RPUSD1: variants seen among roughly 807,000 people sequenced by gnomAD.
RPUSD1 encodes pseudouridylate synthase RPUSD1.
In RPUSD1, 28 loss-of-function variants were observed where a neutral mutation model predicts 22.4. The ratio of observed to expected loss-of-function variants is 1.25; its 90% CI spans 0.93 to 1.72. The LOEUF (loss-of-function observed/expected upper bound fraction) is 1.72. RPUSD1 is among the 40% of genes most tolerant of loss of function. The pLI, the probability that RPUSD1 is intolerant of heterozygous loss-of-function variation, is 0.00. For missense variants in RPUSD1, 596 were observed against 442.2 expected (o/e 1.35, Z -3.12); for synonymous variants, 298 against 201.0 (o/e 1.48, Z -4.08).
At chr16:787,312 C>G (rs372643755) in intron 3 of RPUSD1, 42 bp downstream of exon 3, 2 of 1,555,926 alleles carry the variant, frequency 1.3e-6, no homozygotes, top group Admixed American at 3.7e-5. Flanking sequence ...GGGTGGGAAT[C>G]CTGAGTCCCC....
Position 786,281 on chromosome 16 carries a change from G to A in RPUSD1, c.608C>T (p.Pro203Leu), listed in dbSNP as rs1305682267. 1.7e-5 allele frequency: 28 copies of A among 1,612,620 alleles called. No homozygotes were observed. The highest frequency in any genetic ancestry group is 1.6e-4 in the Middle Eastern group (1 of 6,084). ...GAAAGCGTGCAGCATCATTCTGAACGGCCGGTCCTCCCGGCCCGAGACTTC... is the reference window on the plus strand; with the variant it reads ...GAAAGCGTGCAGCATCATTCTGAACAGCCGGTCCTCCCGGCCCGAGACTTC... The part of the protein sequence containing the change: ...YGEVSGREDR[P>L]FRMMLHAFYL... Residue 203 changes from proline to leucine, a missense_variant, in exon 6 of 6, where the codon CCG becomes CTG. Transcript: ENST00000007264.
Position 785,231 on chromosome 16 carries a change from T to C in RPUSD1, c.*719A>G, listed in dbSNP as rs1415004632. 1 of 152,326 alleles carries C rather than the reference T, an allele frequency of 6.6e-6. No individual in the cohort carries two copies. The highest frequency in any genetic ancestry group is 2.1e-4 in the South Asian group (1 of 4,842). The allele number at this position is 152,326 out of a possible 1,614,324, so 9.4% of individuals were successfully genotyped here. ...AGTGGATCTGAGGGATGGGCGTGCG[T>C]GGCAGGGCCTTGGCCATGGCCCCTG... is the stretch of plus-strand genomic sequence containing the variant. On this transcript the variant is annotated 3_prime_UTR_variant, in exon 6 of 6. Coordinates refer to ENST00000007264, the MANE Select transcript of RPUSD1 (RefSeq NM_058192.3).
rs774299936 is a variant in RPUSD1 at position 787,715 on chromosome 16, T to C, written c.23A>G (p.Asn8Ser). The change falls in exon 2 of 6, where the codon AAC becomes AGC. Residue 8 changes from asparagine to serine, a missense_variant. Asn to Ser is a conservative substitution (Grantham distance 46). Transcript: ENST00000007264. ...GCGGCTCCGGTACACGATGGACAGG[T>C]TCTCCACGCTGCCTGGCTCCATGGC... MEPGSVE[N>S]LSIVYRSRDF... is the part of the protein sequence containing the mutation. 1 of 1,611,078 alleles carries C rather than the reference T, an allele frequency of 6.2e-7. No individual in the cohort carries two copies. The highest frequency in any genetic ancestry group is 2.2e-5 in the East Asian group (1 of 44,868).
rs745412948 is a variant in RPUSD1, at chr16:785,991, G to C, written c.898C>G (p.Leu300Val). The part of the protein sequence containing the change: ...PETEAQRGPC[L>V]QWLSEWTLEP... ...AGCGTCCACTCCGACAGCCACTGCA[G>C]GCAGGGGCCCCGCTGTGCCTCAGTC... The change falls in exon 6 of 6, where the codon CTG becomes GTG. Residue 300 changes from leucine (L) to valine (V), a missense_variant. Coordinates refer to ENST00000007264, the MANE Select transcript of RPUSD1 (RefSeq NM_058192.3). The C allele has an allele frequency of 2.7e-6, 4 of 1,456,436 alleles. No homozygotes were observed. The highest frequency in any genetic ancestry group is 3.6e-6 in the Non-Finnish European group (4 of 1,108,594). 90.2% of individuals were successfully genotyped at this position (1,456,436 alleles called of 1,614,324 possible).
At chr16:786,979 G>T in intron 4 of RPUSD1, 51 bp from the exon 5 acceptor site, 2 of 1,570,874 alleles carry the variant, frequency 1.3e-6, no homozygotes, top group Non-Finnish European at 1.7e-6. Context: ...CCGGGGCCCA[G>T]GCCCACCCCA....
chr16:787,009 T>C, intron 4 of RPUSD1, 68 bp downstream of exon 4: 1 of 1,566,578 alleles, frequency 6.4e-7, no homozygotes, highest in Non-Finnish European at 8.7e-7. Flanking sequence ...GCCCGCCCGG[T>C]GGGTCCCTGC....
Position 788,093 on chromosome 16 carries a change from A to G in RPUSD1, c.-8+163T>C, listed in dbSNP as rs530580434. On this transcript the variant is annotated intron_variant, in intron 1 of 5. Transcript: ENST00000007264. ...GACGGTGGGGGCGGGGAGGGGCTGC[A>G]GCACTACCAGGCCCGGCAGCCAGGT... 1,461 of 482,536 alleles carry G rather than the reference A, an allele frequency of 3.0e-3. 21 individuals carry two copies. The highest frequency in any genetic ancestry group is 0.027 in the African/African-American group (1,353 of 50,462). 29.9% of individuals were successfully genotyped at this position (482,536 alleles called of 1,614,324 possible).
rs1388661047 is a variant in RPUSD1, at chr16:784,986, G to A, written c.*964C>T. 1.3e-5 allele frequency: 2 copies of A among 152,394 alleles called. No homozygotes were observed. Among genetic ancestry groups the A allele is most frequent in the Non-Finnish European group, 2.9e-5 (2 of 68,128 alleles). The allele number at this position is 152,394 out of a possible 1,614,324, so 9.4% of individuals were successfully genotyped here. A position where few individuals can be genotyped will look rare whatever the true frequency, so the allele number is the denominator to read the frequency against. ...ACGTTCACGGTCATCCTTGGAGCCA[G>A]TCACTGAACATTTATTTGGAGTCCC... On this transcript the variant is annotated 3_prime_UTR_variant, in exon 6 of 6. Transcript: ENST00000007264.
In RPUSD1 at chr16:786,336, G is replaced by A. The variant is rs2041910245; in HGVS notation, c.553C>T (p.His185Tyr). 3.1e-6 allele frequency: 5 copies of A among 1,612,202 alleles called. No homozygotes were observed. The highest frequency in any genetic ancestry group is 3.3e-5 in the Admixed American group (2 of 59,998). Reference protein sequence around the residue: ...QLRVHCSALGHPVVGDLTYGE... With the variant: ...QLRVHCSALGYPVVGDLTYGE... Reference sequence around the variant, plus strand: ...TAGGTCAGGTCGCCCACCACGGGGTGGCCCAGGGCACTGCAGTGCACGCGC... The same window carrying A: ...TAGGTCAGGTCGCCCACCACGGGGTAGCCCAGGGCACTGCAGTGCACGCGC... The change falls in exon 6 of 6, where the codon CAC becomes TAC. Residue 185 changes from histidine to tyrosine, a missense_variant. Coordinates refer to ENST00000007264, the MANE Select transcript of RPUSD1 (RefSeq NM_058192.3).
At position 786,819 on chromosome 16, in the gene RPUSD1, A is replaced by C; in HGVS notation, c.511+8T>G. 6.2e-7 allele frequency: 1 copy of C among 1,610,136 alleles called. No homozygotes were observed. The highest frequency in any genetic ancestry group is 1.7e-4 in the Middle Eastern group (1 of 6,060). The stretch of plus-strand genomic sequence containing the variant: ...TCACCACCAGGACACCGCCCACCCC[A>C]GACACACCCGTGAGCGGCTTCAGCA... On this transcript the variant is annotated splice_region_variant and intron_variant, in intron 5 of 5. Transcript: ENST00000007264.
chr16:788,194 C>G (rs772262167), intron 1 of RPUSD1, 62 bp downstream of exon 1: 4 of 407,954 alleles, frequency 9.8e-6, no homozygotes, highest in Non-Finnish European at 1.9e-5. Context: ...CGCACAGGCC[C>G]GGTGGGCAGG....
rs1028518519 is a variant in RPUSD1 at position 787,404 on chromosome 16, C to T, written c.256G>A (p.Ala86Thr). ...VALNKAAAGSAYRCFKERRVT... is the reference protein window; with the variant it reads ...VALNKAAAGSTYRCFKERRVT... ...CGCCGCTCCTTGAAGCACCTGTACG[C>T]GCTGCCGGCGGCTGCCTTGTTTAGG... is the stretch of plus-strand genomic sequence containing the variant. Residue 86 changes from alanine (A) to threonine (T), a missense_variant, in exon 3 of 6, where the codon GCG (alanine) becomes ACG (threonine). Coordinates refer to ENST00000007264, the MANE Select transcript of RPUSD1 (RefSeq NM_058192.3). The T allele has an allele frequency of 1.8e-5, 28 of 1,586,502 alleles. No homozygotes were observed. The Admixed American group carries it at 2.8e-4, about 16-fold the overall frequency.
In RPUSD1 at chr16:786,421, G is replaced by A. The variant is rs74001027; in HGVS notation, c.512-44C>T. ...GCCGGATCAAGCTGGGAGCGGGGCC[G>A]ATCCACACCTATCTCCCTGACCAGG... is the stretch of plus-strand genomic sequence containing the variant. On this transcript the variant is annotated intron_variant, in intron 5 of 5. Transcript: ENST00000007264. 23 of 1,561,080 alleles carry A rather than the reference G, an allele frequency of 1.5e-5. No individual in the cohort carries two copies. In the East Asian group the frequency reaches 2.9e-4, roughly 20 times the overall value.
intron 3 of RPUSD1, 71 bp from the exon 4 acceptor site, chr16:787,250 A>G (rs1596727007): frequency 1.3e-6 from 2 of 1,551,536 alleles, no homozygotes; most frequent in East Asian, 4.8e-5. Context: ...ACCTAACACC[A>G]AGCAACCACG....
intron 5 of RPUSD1, 164 bp from the exon 6 acceptor site, chr16:786,541 T>C: frequency 1.3e-6 from 1 of 781,526 alleles, no homozygotes; most frequent in Non-Finnish European, 2.1e-6. Flanking sequence ...TGACAGTATT[T>C]AGGACAGAAG....
chr16:787,038 A>T (rs537799838), intron 4 of RPUSD1, 39 bp downstream of exon 4: 3 of 1,594,850 alleles, frequency 1.9e-6, no homozygotes, highest in South Asian at 2.2e-5. Context: ...GCCCACCCCA[A>T]CCCACGATGC....
Sources: allele counts gnomAD v4.1 joint callset, GRCh38; gene constraint gnomAD v4.1.1; transcripts MANE v1.5; gene names NCBI Gene and HGNC (gene_info 2026-07-23, HGNC 2026-07-21).